Variants in NSMCE2 observed in about 807,000 individuals in gnomAD.
NSMCE2 encodes the protein NSE2 SUMO ligase component of SMC5/6 complex.
NSMCE2 carries 24 observed loss-of-function variants against 23.8 expected under a neutral mutation model. The observed-to-expected ratio is 1.01, with a 90% CI of 0.73 to 1.42. NSMCE2 has a LOEUF of 1.42. NSMCE2 is among the 40% of genes most tolerant of loss of function. NSMCE2 has a pLI of 0.00. For missense variants in NSMCE2, 284 were observed against 296.5 expected (o/e 0.96, Z 0.31); for synonymous variants, 92 against 94.1 (o/e 0.98, Z 0.13).
chr8:125,278,473 G>T (rs150287373), intron 5 of NSMCE2, among the ~76,000 whole-genome samples: 105 of 152,360 alleles, frequency 6.9e-4, no homozygotes, highest in Non-Finnish European at 7.3e-4. Flanking sequence ...TGCCAGCAGA[G>T]CAGAGCGTGT....
intron 7 of NSMCE2, among the ~76,000 whole-genome samples, chr8:125,361,645 C>T (rs1204693101): frequency 1.3e-5 from 2 of 152,200 alleles, no homozygotes; most frequent in Non-Finnish European, 2.9e-5. Flanking sequence ...TCTGGACCAG[C>T]ACATTTCTTG....
At chr8:125,303,168 G>C (rs1276497174) in intron 5 of NSMCE2, among the ~76,000 whole-genome samples, 1 of 152,184 alleles carries the variant, frequency 6.6e-6, no homozygotes, top group East Asian at 1.9e-4. Context: ...AAATGAGGCA[G>C]CTTTCAGAGT....
intron 5 of NSMCE2, among the ~76,000 whole-genome samples, chr8:125,262,236 T>A (rs1826726163): frequency 6.6e-6 from 1 of 151,946 alleles, no homozygotes; most frequent in Non-Finnish European, 1.5e-5. Context: ...CCATCCTGGC[T>A]AACATGGTGA....
chr8:125,365,319 C>T (rs891066291), intron 7 of NSMCE2, among the ~76,000 whole-genome samples: 7 of 152,288 alleles, frequency 4.6e-5, no homozygotes, highest in Non-Finnish European at 7.4e-5. Flanking sequence ...GCCACTCCAT[C>T]GGCAAGTCCT....
intron 5 of NSMCE2, among the ~76,000 whole-genome samples, chr8:125,287,870 T>G (rs1827960797): frequency 6.6e-6 from 1 of 152,184 alleles, no homozygotes; most frequent in Non-Finnish European, 1.5e-5. Flanking sequence ...CATATCTTCC[T>G]AAGTCTCTGT....
chr8:125,310,655 T>A (rs1373110625), intron 5 of NSMCE2, among the ~76,000 whole-genome samples: 1 of 152,184 alleles, frequency 6.6e-6, no homozygotes, highest in East Asian at 1.9e-4. Flanking sequence ...AATGTTTTTC[T>A]CCCTTAGCCA....
At chr8:125,218,418 T>C (rs1039445143) in intron 5 of NSMCE2, among the ~76,000 whole-genome samples, 1 of 151,000 alleles carries the variant, frequency 6.6e-6, no homozygotes, top group Non-Finnish European at 1.5e-5. Context: ...TTGAGGGTTT[T>C]TTTTTTTTTT....
chr8:125,273,893 A>G (rs1000620091), intron 5 of NSMCE2, among the ~76,000 whole-genome samples: 2 of 152,226 alleles, frequency 1.3e-5, no homozygotes, highest in African/African-American at 4.8e-5. Context: ...TTTCTTGATC[A>G]TCTGCATACC....
chr8:125,132,628 G>A (rs1819831286), intron 3 of NSMCE2, among the ~76,000 whole-genome samples: 1 of 151,908 alleles, frequency 6.6e-6, no homozygotes, highest in African/African-American at 2.4e-5. Flanking sequence ...CAAGTAGCTG[G>A]GACTACAGAT....
At chr8:125,218,115 A>G (rs1460801226) in intron 5 of NSMCE2, among the ~76,000 whole-genome samples, 1 of 152,206 alleles carries the variant, frequency 6.6e-6, no homozygotes, top group East Asian at 1.9e-4. Flanking sequence ...TTAAAATAAA[A>G]GTTAATTATA....
chr8:125,132,907 C>G (rs1367180621), intron 3 of NSMCE2, among the ~76,000 whole-genome samples: 1 of 152,158 alleles, frequency 6.6e-6, no homozygotes, highest in Non-Finnish European at 1.5e-5. Context: ...GATTTATAGA[C>G]CCTTAGGCCT....
intron 5 of NSMCE2, among the ~76,000 whole-genome samples, chr8:125,286,043 CTTGT>C (rs1215764766): frequency 6.6e-6 from 1 of 151,946 alleles, no homozygotes; most frequent in Non-Finnish European, 1.5e-5. Context: ...ACTAGCAGCA[CTTGT>C]TTCCCTACCC....
At chr8:125,128,527 G>A (rs1028833244) in intron 3 of NSMCE2, among the ~76,000 whole-genome samples, 19 of 152,196 alleles carry the variant, frequency 1.2e-4, no homozygotes, top group Admixed American at 6.5e-5. Context: ...TTCTAAGGTG[G>A]TGTGATGCTT....
chr8:125,256,117 T>G (rs1458618618), intron 5 of NSMCE2, among the ~76,000 whole-genome samples: 1 of 151,940 alleles, frequency 6.6e-6, no homozygotes, highest in East Asian at 1.9e-4. Context: ...TCCCTGTCTC[T>G]ACTAAAAATA....
intron 5 of NSMCE2, among the ~76,000 whole-genome samples, chr8:125,207,767 G>T (rs1265203035): frequency 6.6e-6 from 1 of 152,232 alleles, no homozygotes; most frequent in African/African-American, 2.4e-5. Context: ...GGGAGCTTCT[G>T]CGCCTAGAAT....
chr8:125,205,132 C>T lies in NSMCE2; in HGVS notation c.418+22876C>T, dbSNP rs1824063185. The stretch of plus-strand genomic sequence containing the variant: ...CTGATCTCTTCATGGACTATTCTAC[C>T]CCTCTTTCTCTTCCCTTGGTTAAGG... On this transcript the variant is annotated intron_variant, in intron 5 of 7. Coordinates refer to ENST00000287437, the MANE Select transcript of NSMCE2 (RefSeq NM_173685.4). Among the ~76,000 whole-genome samples, 7 of 152,166 alleles carry T rather than the reference C, an allele frequency of 4.6e-5. No individual in the cohort carries two copies. The South Asian group carries it at 1.4e-3, about 32-fold the overall frequency.
At chr8:125,128,071 T>C (rs1035964739) in intron 3 of NSMCE2, among the ~76,000 whole-genome samples, 8 of 152,110 alleles carry the variant, frequency 5.3e-5, no homozygotes, top group African/African-American at 1.9e-4. Flanking sequence ...TTGACTAAAA[T>C]AGACATGGCC....
intron 5 of NSMCE2, among the ~76,000 whole-genome samples, chr8:125,226,327 G>A (rs138952937): frequency 3.5e-4 from 53 of 152,302 alleles, no homozygotes; most frequent in African/African-American, 1.2e-3. Context: ...GAAGGTGACC[G>A]TACAGTTATC....
At chr8:125,151,062 T>C in intron 3 of NSMCE2, 109 bp from the exon 4 acceptor site, 1 of 497,694 alleles carries the variant, frequency 2.0e-6, no homozygotes. Context: ...ATGTAATAGC[T>C]CTACAAAATT....
Sources: gnomAD v4.1 joint callset for allele counts (sites outside exome capture counted in the v4.1 genomes callset) on GRCh38, gnomAD v4.1.1 for gene constraint, MANE v1.5 for transcripts, NCBI Gene and HGNC (gene_info 2026-07-23, HGNC 2026-07-21) for gene names.